MAMDC2: variants seen among roughly 807,000 people sequenced by gnomAD.
MAMDC2 encodes MAM domain containing 2, also known as MAM domain-containing protein 2.
In MAMDC2, 57 loss-of-function variants were observed where a neutral mutation model predicts 89.8. That is an observed-to-expected ratio of 0.63 (90% confidence interval 0.51 to 0.79). The LOEUF (loss-of-function observed/expected upper bound fraction) is 0.79, where lower values mean the gene tolerates loss of function less well. Ranked by LOEUF, MAMDC2 falls within the 30% of genes least tolerant of loss-of-function variation. The pLI is 0.00. For synonymous variants in MAMDC2, 313 were observed against 293.4 expected (o/e 1.07, Z -0.68); for missense variants, 800 against 820.6 (o/e 0.97, Z 0.31).
intron 11 of MAMDC2, among the ~76,000 whole-genome samples, chr9:70,180,253 C>T (rs1266345677): frequency 6.6e-6 from 1 of 152,108 alleles, no homozygotes; most frequent in East Asian, 1.9e-4. Flanking sequence ...TTTCTTTATC[C>T]AGTCTATCAC....
At chr9:70,217,658 G>A (rs1321929250) in intron 11 of MAMDC2, 12 of 1,595,246 alleles carry the variant, frequency 7.5e-6, no homozygotes, top group Non-Finnish European at 9.4e-6. Context: ...CAAGTTGGTG[G>A]AAAACGCTAA....
At chr9:70,131,633 A>G (rs367731615) in intron 7 of MAMDC2, 21 bp downstream of exon 7, 50 of 1,559,958 alleles carry the variant, frequency 3.2e-5, no homozygotes, top group Non-Finnish European at 4.0e-5. Context: ...TCTATTTGTC[A>G]TTGCATTTTG....
intron 2 of MAMDC2, among the ~76,000 whole-genome samples, chr9:70,089,899 G>T (rs1357399642): frequency 6.6e-6 from 1 of 152,070 alleles, no homozygotes; most frequent in Non-Finnish European, 1.5e-5. Context: ...TGTTGAAAAT[G>T]AGCCTTTTTA....
chr9:70,218,437 C>G lies in MAMDC2; in HGVS notation c.1752C>G (p.Thr584=). ...LRGVSGKHCL[T]FFYHMYGGGT... Reference sequence around the variant, plus strand: ...GAGTCTCTGGAAAACACTGCTTGACCTTTTTCTACCACATGTATGGAGGGG... The same window carrying G: ...GAGTCTCTGGAAAACACTGCTTGACGTTTTTCTACCACATGTATGGAGGGG... The change falls in exon 12 of 14, where the codon ACC becomes ACG. Residue 584 remains threonine (T), a synonymous_variant. Coordinates refer to ENST00000377182, the MANE Select transcript of MAMDC2 (RefSeq NM_153267.5). 1 of 1,614,174 alleles carries G rather than the reference C, an allele frequency of 6.2e-7. No individual in the cohort carries two copies. The highest frequency in any genetic ancestry group is 1.3e-5 in the African/African-American group (1 of 75,042).
At chr9:70,136,591 T>C (rs918270594) in intron 7 of MAMDC2, among the ~76,000 whole-genome samples, 1 of 152,188 alleles carries the variant, frequency 6.6e-6, no homozygotes, top group African/African-American at 2.4e-5. Context: ...AGCACTGCTT[T>C]AAGATTCATT....
intron 9 of MAMDC2, among the ~76,000 whole-genome samples, chr9:70,160,231 A>G (rs1317879966): frequency 6.6e-6 from 1 of 152,102 alleles, no homozygotes; most frequent in African/African-American, 2.4e-5. Context: ...AAAAGAACAA[A>G]AAACAGAAGT....
At chr9:70,075,231 G>T (rs970206625) in intron 2 of MAMDC2, among the ~76,000 whole-genome samples, 1 of 152,116 alleles carries the variant, frequency 6.6e-6, no homozygotes, top group Non-Finnish European at 1.5e-5. Flanking sequence ...GGGCAGTATG[G>T]ATTTCAAATC....
intron 2 of MAMDC2, among the ~76,000 whole-genome samples, chr9:70,077,874 T>G (rs1280994595): frequency 6.6e-6 from 1 of 152,070 alleles, no homozygotes; most frequent in East Asian, 1.9e-4. Flanking sequence ...GGCAAGCTAG[T>G]ATGAAAGCCC....
intron 11 of MAMDC2, among the ~76,000 whole-genome samples, chr9:70,214,685 G>A (rs751031018): frequency 5.9e-5 from 9 of 152,186 alleles, no homozygotes; most frequent in Middle Eastern, 3.2e-3. Flanking sequence ...TAATCCAAGC[G>A]AGAAATGATA....
chr9:70,214,725 G>A (rs547069435), intron 11 of MAMDC2, among the ~76,000 whole-genome samples: 9 of 152,292 alleles, frequency 5.9e-5, no homozygotes, highest in African/African-American at 2.2e-4. Context: ...TAGCAGTGGA[G>A]GCGGTAAGAA....
rs1480088754 is a variant in MAMDC2, at chr9:70,109,787, C to T, written c.488C>T (p.Thr163Ile). Residue 163 changes from threonine (T) to isoleucine (I), a missense_variant, in exon 4 of 14, where the codon ACA (threonine) becomes ATA (isoleucine). Thr to Ile is a moderately conservative substitution (Grantham distance 89). Coordinates refer to ENST00000377182, the MANE Select transcript of MAMDC2 (RefSeq NM_153267.5). Reference protein sequence around the residue: ...ASIALFEIKMTTGYCIECDFE... With the variant: ...ASIALFEIKMITGYCIECDFE... Reference sequence around the variant, plus strand: ...ATCGCACTATTTGAAATCAAGATGACAACCGGCTACTGTATTGGTAAGTGG... The same window carrying T: ...ATCGCACTATTTGAAATCAAGATGATAACCGGCTACTGTATTGGTAAGTGG... The T allele has an allele frequency of 4.3e-6, 7 of 1,613,620 alleles. No homozygotes were observed. Among genetic ancestry groups the T allele is most frequent in the Non-Finnish European group, 5.9e-6 (7 of 1,179,542 alleles).
At chr9:70,193,392 T>C (rs879329395) in intron 11 of MAMDC2, among the ~76,000 whole-genome samples, 3 of 152,124 alleles carry the variant, frequency 2.0e-5, no homozygotes, top group South Asian at 4.1e-4. Context: ...TAAGGCAGCA[T>C]ACGCATTTAA....
chr9:70,210,443 T>C (rs1010613897), intron 11 of MAMDC2, among the ~76,000 whole-genome samples: 3 of 152,238 alleles, frequency 2.0e-5, no homozygotes, highest in Non-Finnish European at 4.4e-5. Context: ...TATCGAAGAC[T>C]AGGATTGCAA....
chr9:70,173,021 G>A (rs902505770), intron 11 of MAMDC2, among the ~76,000 whole-genome samples: 2 of 152,124 alleles, frequency 1.3e-5, no homozygotes, highest in Non-Finnish European at 2.9e-5. Flanking sequence ...ACTACTGTGG[G>A]GTTAGCTTCA....
intron 11 of MAMDC2, among the ~76,000 whole-genome samples, chr9:70,179,873 C>CTTTT (rs5898124): frequency 0.13 from 17,559 of 135,654 alleles, 1,224 homozygotes; most frequent in East Asian, 0.14. Context: ...TAAAATATTC[C>CTTTT]TTTTTTTTTT....
chr9:70,149,590 T>G (rs2031518984), intron 9 of MAMDC2, among the ~76,000 whole-genome samples: 1 of 152,274 alleles, frequency 6.6e-6, no homozygotes, highest in South Asian at 2.1e-4. Flanking sequence ...CACAGATTAT[T>G]AACAAGCCGA....
chr9:70,221,845 G>C (rs2033572094), intron 12 of MAMDC2, among the ~76,000 whole-genome samples: 1 of 152,132 alleles, frequency 6.6e-6, no homozygotes, highest in African/African-American at 2.4e-5. Flanking sequence ...TGATCAAGTG[G>C]TGAGGTCAAA....
At chr9:70,222,443 TA>T (rs966082182) in intron 12 of MAMDC2, among the ~76,000 whole-genome samples, 38 of 152,120 alleles carry the variant, frequency 2.5e-4, no homozygotes, top group African/African-American at 9.2e-4. Context: ...AGATGGTATT[TA>T]GAGTGTGATA....
intron 12 of MAMDC2, among the ~76,000 whole-genome samples, chr9:70,219,444 AC>A (rs766705617): frequency 1.3e-5 from 2 of 152,236 alleles, no homozygotes; most frequent in Non-Finnish European, 2.9e-5. Context: ...AACCTCCTGG[AC>A]CAGCACTCTG....
Sources: allele counts gnomAD v4.1 joint callset (sites outside exome capture counted in the v4.1 genomes callset), GRCh38; gene constraint gnomAD v4.1.1; transcripts MANE v1.5; gene names NCBI Gene and HGNC (gene_info 2026-07-23, HGNC 2026-07-21).